NEK9: variants seen among roughly 807,000 people sequenced by gnomAD.
NEK9 encodes the protein serine/threonine-protein kinase Nek9.
NEK9 carries 75 observed loss-of-function variants against 123.4 expected under a neutral mutation model. The ratio of observed to expected loss-of-function variants is 0.61; its 90% CI spans 0.50 to 0.74. NEK9 has a LOEUF of 0.74. NEK9 is among the 30% of genes least tolerant of loss of function. The pLI is 0.00. For missense variants in NEK9, 952 were observed against 1,214.4 expected, an observed-to-expected ratio of 0.78 and a Z score of 3.21; for synonymous variants, 438 against 458.7, an observed-to-expected ratio of 0.95 and a Z score of 0.58.
Position 75,124,028 on chromosome 14 carries a change from C to T in NEK9, c.397+18G>A. The T allele has an allele frequency of 6.3e-7, 1 of 1,593,146 alleles. No individual in the cohort carries two copies. On this transcript the variant is annotated intron_variant, in intron 2 of 21. Transcript: ENST00000238616. ...TAAGAAAGTCTTGCTGGAAAAGTCCCACTGAACTCTATCTTACCATTACAA... is the reference window on the plus strand; with the variant it reads ...TAAGAAAGTCTTGCTGGAAAAGTCCTACTGAACTCTATCTTACCATTACAA...
Position 75,086,807 on chromosome 14 carries a change from G to A in NEK9, c.2817+211C>T, listed in dbSNP as rs1011313173. The A allele has an allele frequency of 2.2e-5, 11 of 507,626 alleles. No individual in the cohort carries two copies. The East Asian group carries it at 3.7e-4, about 17-fold the overall frequency. The allele number at this position is 507,626 out of a possible 1,614,324, so 31.4% of individuals were successfully genotyped here. On this transcript the variant is annotated intron_variant, in intron 21 of 21. Transcript: ENST00000238616. ...TGTAGTCCCAGCTACTCGGGAGGCTGAGGCAGGAGAATTGCTTGAATCCGG... is the reference window on the plus strand; with the variant it reads ...TGTAGTCCCAGCTACTCGGGAGGCTAAGGCAGGAGAATTGCTTGAATCCGG...
chr14:75,084,804 TTG>T, intron 21 of NEK9, 118 bp from the exon 22 acceptor site: 5 of 1,295,754 alleles, frequency 3.9e-6, no homozygotes, highest in Non-Finnish European at 5.4e-6. Flanking sequence ...GGCTAAGGAT[TTG>T]TAGCCACGAT....
At position 75,088,547 on chromosome 14, in the gene NEK9, T is replaced by G; in HGVS notation, c.2537A>C (p.Glu846Ala). Reference protein sequence around the residue: ...SESEKDTLPYEELQGLKVASE... With the variant: ...SESEKDTLPYAELQGLKVASE... ...GGCCACTTTGAGTCCTTGCAGCTCT[T>G]CATAGGGCAGGGTATCTTTCTCAGA... Residue 846 changes from glutamate (E) to alanine (A), a missense_variant, in exon 20 of 22, where the codon GAA (glutamate) becomes GCA (alanine). By Grantham distance (107) the Glu-to-Ala change is moderately radical. This residue lies in a region of NEK9 where 698 missense variants were observed against 875.6 expected (regional missense o/e 0.80). Transcript: ENST00000238616. The G allele has an allele frequency of 6.2e-7, 1 of 1,614,094 alleles. No individual in the cohort carries two copies. The highest frequency in any genetic ancestry group is 2.2e-5 in the East Asian group (1 of 44,880).
chr14:75,120,443 G>C lies in NEK9; in HGVS notation c.524+67C>G, dbSNP rs1895288709. Reference sequence around the variant, plus strand: ...ACCAAGAAAATAAAAGTGTTGTTGGGGGGGTATCCACGGTAGGGGCTGAAT... The same window carrying C: ...ACCAAGAAAATAAAAGTGTTGTTGGCGGGGTATCCACGGTAGGGGCTGAAT... On this transcript the variant is annotated intron_variant, in intron 4 of 21. Transcript: ENST00000238616. 4.8e-6 allele frequency: 5 copies of C among 1,033,740 alleles called. No individual in the cohort carries two copies. The Admixed American group carries it at 6.2e-5, about 13-fold the overall frequency. The allele number at this position is 1,033,740 out of a possible 1,614,324, so 64.0% of individuals were successfully genotyped here.
chr14:75,108,083 G>T (rs1894835815), intron 10 of NEK9, among the ~76,000 whole-genome samples: 1 of 151,976 alleles, frequency 6.6e-6, no homozygotes, highest in African/African-American at 2.4e-5. Flanking sequence ...CATCAAAGAG[G>T]CTGCTATACA....
chr14:75,109,625 G>A (rs959164114), intron 10 of NEK9, 60 bp downstream of exon 10: 14 of 1,470,446 alleles, frequency 9.5e-6, no homozygotes, highest in Middle Eastern at 2.2e-4. Context: ...CTTAGACATC[G>A]TGGGCCCAGT....
intron 13 of NEK9, 126 bp downstream of exon 13, chr14:75,105,824 G>T: frequency 1.4e-6 from 1 of 713,358 alleles, no homozygotes; most frequent in Non-Finnish European, 2.4e-6. Flanking sequence ...TAAATTGTCA[G>T]TCTCCCAAAC....
At chr14:75,114,005 C>T (rs1895046097) in intron 7 of NEK9, among the ~76,000 whole-genome samples, 198 bp downstream of exon 7, 1 of 152,140 alleles carries the variant, frequency 6.6e-6, no homozygotes, top group Admixed American at 6.5e-5. Context: ...ACTTACAAAA[C>T]AGAATGAAGT....
chr14:75,111,456 T>C (rs1894955973), intron 8 of NEK9, among the ~76,000 whole-genome samples: 1 of 152,266 alleles, frequency 6.6e-6, no homozygotes, highest in South Asian at 2.1e-4. Context: ...GTTTATGCTA[T>C]ATTCTCTGTC....
chr14:75,120,188 G>A (rs1316677591), intron 4 of NEK9, among the ~76,000 whole-genome samples: 2 of 152,140 alleles, frequency 1.3e-5, no homozygotes, highest in Non-Finnish European at 2.9e-5. Context: ...AATTATTATT[G>A]CTGTGAATTC....
intron 4 of NEK9, among the ~76,000 whole-genome samples, chr14:75,119,550 G>C (rs1170636363): frequency 6.6e-6 from 1 of 152,164 alleles, no homozygotes; most frequent in Non-Finnish European, 1.5e-5. Context: ...GGAAAATGGT[G>C]CTCTAGGTAA....
chr14:75,095,376 T>G lies in NEK9; in HGVS notation c.2229A>C (p.Gly743=), dbSNP rs1327285525. ...IRSNSSGLSI[G]TVFQSSSPGG... ...ACCTGAAACATTGGTACTTACCAGTTCCAATGGATAAGCCACTGCTATTGG... is the reference window on the plus strand; with the variant it reads ...ACCTGAAACATTGGTACTTACCAGTGCCAATGGATAAGCCACTGCTATTGG... The change falls in exon 18 of 22, where the codon GGA becomes GGC. Residue 743 remains glycine, a synonymous_variant. Transcript: ENST00000238616. 1.9e-6 allele frequency: 3 copies of G among 1,609,720 alleles called. No individual in the cohort carries two copies. The South Asian group carries it at 3.3e-5, about 18-fold the overall frequency.
In NEK9 at chr14:75,080,050, G is replaced by GAA. The variant is rs1477413653; in HGVS notation, c.*4513_*4514insTT. 2.0e-5 allele frequency: 3 copies of GAA among 152,204 alleles called. No homozygotes were observed. The highest frequency in any genetic ancestry group is 6.5e-5 in the Admixed American group (1 of 15,276). The allele number at this position is 152,204 out of a possible 1,614,324, so 9.4% of individuals were successfully genotyped here. On this transcript the variant is annotated 3_prime_UTR_variant, in exon 22 of 22. Transcript: ENST00000238616. ...TGGTTATATTAGAAATATCTTTCAA[G>GAA]GCCGAGCATGGTGGCTCATGCCTGT...
At chr14:75,096,269 T>G (rs1233382749) in intron 17 of NEK9, among the ~76,000 whole-genome samples, 20 of 90,232 alleles carry the variant, frequency 2.2e-4, no homozygotes, top group African/African-American at 8.7e-4. Flanking sequence ...AGAGCGAGAC[T>G]TCGTCTCAAA....
At chr14:75,107,993 T>C (rs538983492) in intron 10 of NEK9, among the ~76,000 whole-genome samples, 49 of 152,300 alleles carry the variant, frequency 3.2e-4, no homozygotes, top group Non-Finnish European at 6.2e-4. Flanking sequence ...ATATAGCTTC[T>C]TGAAAATCTG....
At chr14:75,126,367 A>G (rs1253898332) in intron 1 of NEK9, among the ~76,000 whole-genome samples, 1 of 152,154 alleles carries the variant, frequency 6.6e-6, no homozygotes, top group Non-Finnish European at 1.5e-5. Context: ...ACTTTAATTT[A>G]CAGAACAGAG....
chr14:75,094,098 A>C (rs550595511), intron 18 of NEK9, among the ~76,000 whole-genome samples: 39 of 152,368 alleles, frequency 2.6e-4, no homozygotes, highest in Non-Finnish European at 1.2e-4. Flanking sequence ...AAAGATCTTC[A>C]GTCAGTTTTG....
chr14:75,112,310 CAA>C (rs1475289507), intron 8 of NEK9, among the ~76,000 whole-genome samples: 6 of 152,186 alleles, frequency 3.9e-5, no homozygotes, highest in Non-Finnish European at 8.8e-5. Flanking sequence ...AATACAGACT[CAA>C]ATATTTAACG....
At chr14:75,113,974 A>G (rs1287716576) in intron 7 of NEK9, among the ~76,000 whole-genome samples, 1 of 152,238 alleles carries the variant, frequency 6.6e-6, no homozygotes, top group Admixed American at 6.5e-5. Flanking sequence ...TTTAGATGGG[A>G]AATTCATTTC....
Sources: gnomAD v4.1 joint callset for allele counts (sites outside exome capture counted in the v4.1 genomes callset) on GRCh38, gnomAD v4.1.1 for gene constraint, gnomAD v4.1.1 regional missense constraint, MANE v1.5 for transcripts, NCBI Gene and HGNC (gene_info 2026-07-23, HGNC 2026-07-21) for gene names.